The following WDR44 variants were observed in gnomAD, a reference collection of about 807,000 sequenced individuals.
WDR44 encodes WD repeat-containing protein 44.
A neutral mutation model predicts 65.7 loss-of-function variants in WDR44; 9 were observed. The ratio of observed to expected loss-of-function variants is 0.14; its 90% confidence interval spans 0.08 to 0.24. WDR44 has a LOEUF of 0.24. Among genes scored for constraint, WDR44 ranks in the 10% least tolerant of loss-of-function variants. The probability of loss-of-function intolerance (pLI) is 1.00; values close to 1 mark genes in which losing one functional copy is unlikely to be tolerated. For missense variants in WDR44, 425 were observed against 670.9 expected, an observed-to-expected ratio of 0.63 and a Z score of 4.05; for synonymous variants, 220 against 235.2, an observed-to-expected ratio of 0.94 and a Z score of 0.59.
At chrX:118,381,377 G>A (rs1210799091) in intron 2 of WDR44, among the ~76,000 whole-genome samples, 1 of 109,307 alleles carries the variant, frequency 9.1e-6, no homozygotes, top group African/African-American at 3.3e-5. Context: ...GCTGAGGCAG[G>A]AGAATCACTT....
intron 7 of WDR44, 121 bp from the exon 8 acceptor site, chrX:118,398,266 T>C (rs2056882639): frequency 2.2e-6 from 1 of 456,803 alleles, no homozygotes; most frequent in East Asian, 3.9e-5. Flanking sequence ...ATTAAAATTA[T>C]GTAAAGCTTA....
At chrX:118,395,167 C>A in intron 5 of WDR44, 82 bp from the exon 6 acceptor site, 1 of 875,107 alleles carries the variant, frequency 1.1e-6, no homozygotes, top group Admixed American at 3.0e-5. Flanking sequence ...TTATGAAATT[C>A]TTTAGAATTA....
At chrX:118,387,124 G>A (rs1339326499) in intron 2 of WDR44, among the ~76,000 whole-genome samples, 4 of 100,998 alleles carry the variant, frequency 4.0e-5, no homozygotes, top group Non-Finnish European at 5.9e-5. Context: ...AGAGGTTGCA[G>A]TGAGCCAGGA....
At chrX:118,356,364 T>G (rs2056459391) in intron 1 of WDR44, among the ~76,000 whole-genome samples, 1 of 104,385 alleles carries the variant, frequency 9.6e-6, no homozygotes, top group Admixed American at 1.1e-4. Flanking sequence ...TTCAGTGCCG[T>G]GTCAAAAAGT....
intron 13 of WDR44, among the ~76,000 whole-genome samples, chrX:118,435,343 T>A (rs1038226827): frequency 2.7e-5 from 3 of 112,811 alleles, no homozygotes; most frequent in Non-Finnish European, 5.6e-5. Flanking sequence ...AGTGGCACGA[T>A]CTCAGCTCAC....
intron 19 of WDR44, among the ~76,000 whole-genome samples, chrX:118,446,740 A>C (rs2057349356): frequency 8.9e-6 from 1 of 112,485 alleles, no homozygotes; most frequent in African/African-American, 3.2e-5. Flanking sequence ...CCAAGTTAGA[A>C]TGATTAAACC....
At position 118,441,513 on chromosome X, in the gene WDR44, C is replaced by G; in HGVS notation, c.2120C>G (p.Ala707Gly). The change falls in exon 15 of 20, where the codon GCA becomes GGA. Residue 707 changes from alanine (A) to glycine (G), a missense_variant. Ala to Gly is a moderately conservative substitution (Grantham distance 60). Transcript: ENST00000254029. Reference protein sequence around the residue: ...AANFCQNGKYAVIGTYDGRCI... With the variant: ...AANFCQNGKYGVIGTYDGRCI... ...AATTTCTGTCAGAATGGCAAATATG[C>G]AGTGATTGGGACATATGATGGCAGA... The G allele has an allele frequency of 8.3e-7, 1 of 1,210,422 alleles. No individual in the cohort carries two copies. The highest frequency in any genetic ancestry group is 1.1e-6 in the Non-Finnish European group (1 of 894,688).
intron 2 of WDR44, among the ~76,000 whole-genome samples, chrX:118,380,780 G>A (rs1332502918): frequency 8.9e-6 from 1 of 112,038 alleles, no homozygotes; most frequent in African/African-American, 3.2e-5. Context: ...GGGTTTGGAG[G>A]AACGAGAGGA....
At chrX:118,397,221 A>G in intron 7 of WDR44, 115 bp downstream of exon 7, 1 of 634,546 alleles carries the variant, frequency 1.6e-6, no homozygotes, top group Non-Finnish European at 2.2e-6. Flanking sequence ...TTTCTTCTGG[A>G]ATTAAAATAG....
At chrX:118,381,000 A>C (rs1353110537) in intron 2 of WDR44, among the ~76,000 whole-genome samples, 1 of 111,796 alleles carries the variant, frequency 8.9e-6, no homozygotes, top group Non-Finnish European at 1.9e-5. Context: ...AACTGTGACC[A>C]GTGTAAAAGT....
intron 12 of WDR44, among the ~76,000 whole-genome samples, chrX:118,414,682 G>C (rs1276551550): frequency 9.0e-6 from 1 of 111,621 alleles, no homozygotes; most frequent in African/African-American, 3.3e-5. Context: ...TCTTCGCTTG[G>C]TTGCTGTTGG....
intron 1 of WDR44, among the ~76,000 whole-genome samples, chrX:118,367,350 T>C (rs776405177): frequency 9.0e-6 from 1 of 111,696 alleles, no homozygotes; most frequent in Admixed American, 9.6e-5. Flanking sequence ...GATTCTGCTC[T>C]TTTTTTGTGT....
intron 12 of WDR44, among the ~76,000 whole-genome samples, chrX:118,427,778 T>A (rs1306918550): frequency 9.9e-6 from 1 of 100,694 alleles, no homozygotes. Flanking sequence ...GGGTTCACGC[T>A]ATTCTCCTGC....
chrX:118,429,378 C>T (rs1232024787), intron 12 of WDR44, among the ~76,000 whole-genome samples: 1 of 110,044 alleles, frequency 9.1e-6, no homozygotes, highest in Admixed American at 9.8e-5. Flanking sequence ...CACTTGAGAT[C>T]AGGAGTTCGA....
chrX:118,386,055 G>A (rs186787577), intron 2 of WDR44, among the ~76,000 whole-genome samples: 150 of 111,340 alleles, frequency 1.3e-3, no homozygotes, highest in African/African-American at 4.6e-3. Context: ...TCACTGGCAC[G>A]TTAAATCTTT....
chrX:118,357,111 A>G (rs1321479742), intron 1 of WDR44, among the ~76,000 whole-genome samples: 2 of 111,092 alleles, frequency 1.8e-5, no homozygotes, highest in African/African-American at 6.6e-5. Flanking sequence ...GATTACAGGC[A>G]TGAGCCACTG....
At chrX:118,419,842 C>T (rs1405332802) in intron 12 of WDR44, among the ~76,000 whole-genome samples, 1 of 112,055 alleles carries the variant, frequency 8.9e-6, no homozygotes, top group Non-Finnish European at 1.9e-5. Context: ...ATTATTGCTA[C>T]TTTAAACTCA....
intron 2 of WDR44, among the ~76,000 whole-genome samples, chrX:118,380,713 G>A (rs758864187): frequency 8.9e-6 from 1 of 111,876 alleles, no homozygotes; most frequent in Admixed American, 9.6e-5. Flanking sequence ...ATACAAAAGG[G>A]CAATTTATGA....
At chrX:118,386,485 T>C (rs776113544) in intron 2 of WDR44, 5 of 342,187 alleles carry the variant, frequency 1.5e-5, no homozygotes, top group Non-Finnish European at 2.2e-5. Context: ...TTTTTTCATC[T>C]TTTTTCATAG....
Sources: allele counts gnomAD v4.1 joint callset (sites outside exome capture counted in the v4.1 genomes callset), GRCh38; gene constraint gnomAD v4.1.1; transcripts MANE v1.5; gene names NCBI Gene and HGNC (gene_info 2026-07-23, HGNC 2026-07-21).